Variants in BECN1 observed in about 807,000 individuals in gnomAD.
BECN1 encodes beclin 1, also known as beclin-1.
In BECN1, 15 loss-of-function variants were observed where a neutral mutation model predicts 60.1. The ratio of observed to expected loss-of-function variants is 0.25; its 90% confidence interval spans 0.17 to 0.38. The LOEUF is 0.38. Ranked by LOEUF, BECN1 falls within the 10% of genes least tolerant of loss-of-function variation. The probability of loss-of-function intolerance (pLI) is 1.00; values close to 1 mark genes in which losing one functional copy is unlikely to be tolerated. For missense variants in BECN1, 424 were observed against 548.2 expected (o/e 0.77, Z 2.26); for synonymous variants, 179 against 201.8 (o/e 0.89, Z 0.96).
intron 2 of BECN1, 110 bp downstream of exon 2, chr17:42,823,638 G>T: frequency 1.4e-6 from 2 of 1,421,282 alleles, no homozygotes; most frequent in South Asian, 1.4e-5. Context: ...ACTTTCCTAG[G>T]TTCACACGAT....
chr17:42,815,850 T>C, intron 8 of BECN1, 58 bp downstream of exon 8: 2 of 1,609,076 alleles, frequency 1.2e-6, no homozygotes, highest in Non-Finnish European at 8.5e-7. Flanking sequence ...CCAGGCTTAG[T>C]GGTCAACAGC....
At chr17:42,822,137 A>T (rs1479927880) in intron 2 of BECN1, among the ~76,000 whole-genome samples, 1 of 152,186 alleles carries the variant, frequency 6.6e-6, no homozygotes. Context: ...CGGGAGGCAG[A>T]GGTTGCAGTG....
At chr17:42,816,098 G>A (rs1299294325) in intron 7 of BECN1, 44 bp from the exon 8 acceptor site, 3 of 1,525,126 alleles carry the variant, frequency 2.0e-6, no homozygotes, top group Admixed American at 4.3e-5. Flanking sequence ...TAGCTTGGGG[G>A]CTAAAGTTTC....
intron 11 of BECN1, 181 bp downstream of exon 11, chr17:42,811,474 G>T: frequency 1.5e-6 from 1 of 645,502 alleles, no homozygotes; most frequent in Non-Finnish European, 2.4e-6. Flanking sequence ...CCAAGGACTA[G>T]GTGGTCACAT....
chr17:42,815,562 C>A, intron 8 of BECN1: 1 of 258,948 alleles, frequency 3.9e-6, no homozygotes, highest in South Asian at 6.7e-5. Flanking sequence ...TTGCTGTTGC[C>A]CTCCTAGCAC....
intron 2 of BECN1, 68 bp downstream of exon 2, chr17:42,823,680 G>A: frequency 6.4e-7 from 1 of 1,572,386 alleles, no homozygotes; most frequent in Non-Finnish European, 8.7e-7. Context: ...GCCACCATAA[G>A]AATTATATCA....
intron 8 of BECN1, 63 bp downstream of exon 8, chr17:42,815,845 C>T: frequency 6.2e-7 from 1 of 1,608,114 alleles, no homozygotes; most frequent in South Asian, 1.1e-5. Context: ...GGCACCCAGG[C>T]TTAGTGGTCA....
At position 42,818,430 on chromosome 17, in the gene BECN1, G is replaced by A. The variant is rs2144186795; in HGVS notation, c.489-15C>T. 6.2e-7 allele frequency: 1 copy of A among 1,613,880 alleles called. No homozygotes were observed. Among genetic ancestry groups the A allele is most frequent in the Admixed American group, 1.7e-5 (1 of 60,002 alleles). On this transcript the variant is annotated splice_polypyrimidine_tract_variant and intron_variant, in intron 6 of 11. Coordinates refer to ENST00000590099, the MANE Select transcript of BECN1 (RefSeq NM_001313998.2). Reference sequence around the variant, plus strand: ...CCAAACAGCGTCTGCCAAAGACACAGGCAGACTATACTTACTAGAGCTCCA... The same window carrying A: ...CCAAACAGCGTCTGCCAAAGACACAAGCAGACTATACTTACTAGAGCTCCA...
intron 10 of BECN1, 81 bp from the exon 11 acceptor site, chr17:42,811,878 C>T: frequency 2.6e-6 from 4 of 1,511,950 alleles, no homozygotes; most frequent in Non-Finnish European, 2.7e-6. Flanking sequence ...ATCAATCTCT[C>T]AAGTCATGTT....
chr17:42,817,230 GGCCGCA>G (rs2144180184), intron 7 of BECN1, among the ~76,000 whole-genome samples: 1 of 151,870 alleles, frequency 6.6e-6, no homozygotes, highest in South Asian at 2.1e-4. Flanking sequence ...AGGAAGTCAA[GGCCGCA>G]GTGAGTCATG....
At chr17:42,819,365 T>C (rs1195851001) in intron 4 of BECN1, 183 bp downstream of exon 4, 4 of 615,624 alleles carry the variant, frequency 6.5e-6, no homozygotes, top group Non-Finnish European at 8.5e-6. Context: ...TGTGAACAGC[T>C]ACAGGAAAAA....
chr17:42,814,464 G>T, intron 9 of BECN1, 60 bp downstream of exon 9: 1 of 1,602,232 alleles, frequency 6.2e-7, no homozygotes, highest in Non-Finnish European at 8.5e-7. Flanking sequence ...GCAGTACCAG[G>T]TTGGAGATAC....
intron 2 of BECN1, among the ~76,000 whole-genome samples, chr17:42,822,921 T>C (rs1056193794): frequency 4.0e-5 from 6 of 151,880 alleles, no homozygotes; most frequent in African/African-American, 1.5e-4. Flanking sequence ...GCTCAAGCGA[T>C]CCTCCCACCT....
chr17:42,822,301 T>G (rs1378800203), intron 2 of BECN1, among the ~76,000 whole-genome samples: 1 of 152,224 alleles, frequency 6.6e-6, no homozygotes, highest in Non-Finnish European at 1.5e-5. Flanking sequence ...CCCAGCAAAT[T>G]CCTAAGTGTT....
Position 42,810,727 on chromosome 17 carries a change from C to G in BECN1, c.*33G>C. 1 of 1,563,752 alleles carries G rather than the reference C, an allele frequency of 6.4e-7. No homozygotes were observed. The highest frequency in any genetic ancestry group is 1.9e-5 in the Admixed American group (1 of 51,828). On this transcript the variant is annotated 3_prime_UTR_variant, in exon 12 of 12. Transcript: ENST00000590099. ...TTTGCAAACAAAACAAAATTAAAAG[C>G]CTTTAAGGCAAACCTCCCCCTAAGG...
chr17:42,824,254 T>C lies in BECN1; in HGVS notation c.-102A>G, dbSNP rs952946164. 3 of 400,752 alleles carry C rather than the reference T, an allele frequency of 7.5e-6. No individual in the cohort carries two copies. Among genetic ancestry groups the C allele is most frequent in the African/African-American group, 6.2e-5 (3 of 48,654 alleles). The allele number at this position is 400,752 out of a possible 1,614,324, so 24.8% of individuals were successfully genotyped here. On this transcript the variant is annotated 5_prime_UTR_variant, in exon 1 of 12. Transcript: ENST00000590099. ...GAGGCCTCCAGAACTACCATCGCTC[T>C]GTCTTCAGCGACTTCCCGGTAGCCG... is the stretch of plus-strand genomic sequence containing the variant.
intron 7 of BECN1, among the ~76,000 whole-genome samples, chr17:42,817,106 G>A (rs1382462121): frequency 6.6e-6 from 1 of 151,852 alleles, no homozygotes; most frequent in East Asian, 1.9e-4. Context: ...ACCAGCCTGG[G>A]CAACATGGGG....
chr17:42,811,119 T>C, intron 11 of BECN1, 191 bp from the exon 12 acceptor site: 1 of 558,270 alleles, frequency 1.8e-6, no homozygotes, highest in Non-Finnish European at 3.0e-6. Flanking sequence ...CTCATTGTCA[T>C]TGCAGAGTAC....
At chr17:42,823,070 T>C (rs2055302037) in intron 2 of BECN1, among the ~76,000 whole-genome samples, 1 of 152,168 alleles carries the variant, frequency 6.6e-6, no homozygotes, top group South Asian at 2.1e-4. Flanking sequence ...GTTCTTCATC[T>C]GAAAAATGAT....
Sources: allele counts gnomAD v4.1 joint callset (sites outside exome capture counted in the v4.1 genomes callset), GRCh38; gene constraint gnomAD v4.1.1; transcripts MANE v1.5; gene names NCBI Gene and HGNC (gene_info 2026-07-23, HGNC 2026-07-21).